PGAP4: variants seen among roughly 807,000 people sequenced by gnomAD.
The protein encoded by PGAP4 is GPI-N-acetylgalactosamine transferase PGAP4.
Under a neutral mutation model 28.2 loss-of-function variants are expected in PGAP4, and 12 were observed. The ratio of observed to expected loss-of-function variants is 0.42; its 90% CI spans 0.27 to 0.69. The LOEUF (loss-of-function observed/expected upper bound fraction) is 0.69. Among genes scored for constraint, PGAP4 ranks in the 30% least tolerant of loss-of-function variants. PGAP4 has a pLI of 0.22. For synonymous variants in PGAP4, 205 were observed against 211.8 expected (o/e 0.97, Z 0.28); for missense variants, 425 against 513.5 (o/e 0.83, Z 1.67).
Position 101,524,905 on chromosome 9 carries a change from C to T in PGAP4, c.-165+6443G>A, listed in dbSNP as rs571486358. ...GGGATTGCTGGTTTGTTCTTGTAGTCGATCTGGAGCTAAAATTCATAATGC... is the reference window on the plus strand; with the variant it reads ...GGGATTGCTGGTTTGTTCTTGTAGTTGATCTGGAGCTAAAATTCATAATGC... On this transcript the variant is annotated intron_variant, in intron 2 of 3. Transcript: ENST00000374851. Among the ~76,000 whole-genome samples, 45 of 152,252 alleles carry T rather than the reference C, an allele frequency of 3.0e-4. No individual in the cohort carries two copies. In the South Asian group the frequency reaches 8.5e-3, roughly 29 times the overall value.
Position 101,476,573 on chromosome 9 carries a change from C to T in PGAP4, c.520G>A (p.Asp174Asn), listed in dbSNP as rs1826321181. ...VANRYEGTEDDYGDDPSTNSF... is the reference protein window; with the variant it reads ...VANRYEGTEDNYGDDPSTNSF... ...TTGGTCGAAGGGTCATCACCATAAT[C>T]ATCCTCAGTGCCCTCATAGCGATTG... The change falls in exon 2 of 2, where the codon GAT becomes AAT. Residue 174 changes from aspartate to asparagine, a missense_variant. Transcript: ENST00000374848. The surrounding 1 kb of genome is among the most constrained non-coding windows in gnomAD (Gnocchi z 7.0). The T allele has an allele frequency of 6.2e-7, 1 of 1,614,240 alleles. No individual in the cohort carries two copies.
At chr9:101,495,164 A>T (rs1386026387) in intron 2 of PGAP4, among the ~76,000 whole-genome samples, 1 of 97,380 alleles carries the variant, frequency 1.0e-5, no homozygotes, top group Non-Finnish European at 2.0e-5. Flanking sequence ...TATATATTTT[A>T]TATATATTAT....
chr9:101,494,741 G>C (rs927420717), intron 2 of PGAP4, among the ~76,000 whole-genome samples: 20 of 151,826 alleles, frequency 1.3e-4, no homozygotes, highest in South Asian at 4.2e-4. Context: ...AGCAATAACT[G>C]TGGATAACAA....
chr9:101,520,714 T>G (rs1826982362), intron 2 of PGAP4, among the ~76,000 whole-genome samples: 1 of 152,174 alleles, frequency 6.6e-6, no homozygotes, highest in South Asian at 2.1e-4. Context: ...CTTATTTCTT[T>G]CTCGTGTCTG....
At chr9:101,499,081 A>T (rs779274422) in intron 2 of PGAP4, among the ~76,000 whole-genome samples, 1 of 152,026 alleles carries the variant, frequency 6.6e-6, no homozygotes, top group Non-Finnish European at 1.5e-5. Context: ...AGAGTATTCA[A>T]TCGAAAAAGA....
At chr9:101,525,699 CAA>C (rs397893277) in intron 2 of PGAP4, among the ~76,000 whole-genome samples, 919 of 61,370 alleles carry the variant, frequency 0.015, 3 homozygotes, top group African/African-American at 0.046. Context: ...CAGAGCGTCT[CAA>C]AAAAAAAAAA....
At chr9:101,500,988 C>CA (rs1336509387) in intron 2 of PGAP4, among the ~76,000 whole-genome samples, 1 of 151,938 alleles carries the variant, frequency 6.6e-6, no homozygotes, top group Non-Finnish European at 1.5e-5. Flanking sequence ...CTGTAAATTT[C>CA]AAAAAATATA....
chr9:101,478,158 T>A (rs1209738170), intron 1 of PGAP4, among the ~76,000 whole-genome samples: 1 of 152,194 alleles, frequency 6.6e-6, no homozygotes, highest in Non-Finnish European at 1.5e-5. Flanking sequence ...ATATTAAATG[T>A]GTTAGAAAGC....
At position 101,512,077 on chromosome 9, in the gene PGAP4, C is replaced by T. The variant is rs371448087; in HGVS notation, c.-165+19271G>A. ...ATGATCACTGAGTGTAGCACTGATG[C>T]CCTAAGTCTCACCTGGGTGAGAGCC... On this transcript the variant is annotated intron_variant, in intron 2 of 3. Coordinates refer to the PGAP4 transcript ENST00000374851. 1.9e-4 allele frequency among the ~76,000 whole-genome samples: 29 copies of T among 152,170 alleles called. 1 individual carries two copies. The East Asian group carries it at 4.8e-3, about 25-fold the overall frequency.
At chr9:101,520,372 A>T (rs188533530) in intron 2 of PGAP4, among the ~76,000 whole-genome samples, 2 of 152,302 alleles carry the variant, frequency 1.3e-5, no homozygotes, top group East Asian at 3.9e-4. Flanking sequence ...TGTTCATGTC[A>T]TCTATGATTT....
intron 2 of PGAP4, among the ~76,000 whole-genome samples, chr9:101,507,695 A>C (rs1348871056): frequency 2.0e-5 from 3 of 152,128 alleles, no homozygotes; most frequent in Non-Finnish European, 4.4e-5. Context: ...GAGAGTAATA[A>C]CCAGACTTTG....
At chr9:101,509,867 C>A (rs1826880261) in intron 2 of PGAP4, among the ~76,000 whole-genome samples, 1 of 146,584 alleles carries the variant, frequency 6.8e-6, no homozygotes. Context: ...CCAGTCATGG[C>A]AGCCACTCCA....
intron 2 of PGAP4, among the ~76,000 whole-genome samples, chr9:101,494,285 T>C (rs1287154540): frequency 6.6e-6 from 1 of 151,930 alleles, no homozygotes; most frequent in Non-Finnish European, 1.5e-5. Flanking sequence ...ATTGAAATTA[T>C]GTAAATAAAA....
chr9:101,519,894 G>A (rs1374750590), intron 2 of PGAP4, among the ~76,000 whole-genome samples: 1 of 152,090 alleles, frequency 6.6e-6, no homozygotes, highest in Non-Finnish European at 1.5e-5. Context: ...GGTTGATTTT[G>A]TATGAGGTGA....
chr9:101,504,927 G>T (rs752581509), intron 2 of PGAP4, among the ~76,000 whole-genome samples: 1 of 152,038 alleles, frequency 6.6e-6, no homozygotes, highest in African/African-American at 2.4e-5. Context: ...CCTACAAAAA[G>T]ACTCCTATGT....
At chr9:101,481,950 GC>G (rs1826501633) in intron 1 of PGAP4, among the ~76,000 whole-genome samples, 2 of 151,824 alleles carry the variant, frequency 1.3e-5, no homozygotes, top group Non-Finnish European at 2.9e-5. Context: ...TTTCCTCCCT[GC>G]CACACTCTAG....
At chr9:101,527,943 T>C (rs1266584978) in intron 2 of PGAP4, among the ~76,000 whole-genome samples, 1 of 152,166 alleles carries the variant, frequency 6.6e-6, no homozygotes, top group East Asian at 1.9e-4. Flanking sequence ...TCTCTACCCA[T>C]GTGGATTTTC....
chr9:101,498,513 T>TTA (rs911924000), intron 2 of PGAP4, among the ~76,000 whole-genome samples: 6 of 151,358 alleles, frequency 4.0e-5, no homozygotes, highest in Non-Finnish European at 7.4e-5. Flanking sequence ...TTTTTTTTTT[T>TTA]AATCTTGGCT....
intron 2 of PGAP4, among the ~76,000 whole-genome samples, chr9:101,498,537 A>G (rs1175979924): frequency 1.3e-5 from 2 of 151,256 alleles, no homozygotes; most frequent in South Asian, 4.2e-4. Context: ...ATGCCAGAGC[A>G]GTGAGATAGC....
Sources: allele counts gnomAD v4.1 joint callset (sites outside exome capture counted in the v4.1 genomes callset), GRCh38; gene constraint gnomAD v4.1.1; non-coding constraint Gnocchi (gnomAD v3.1); transcripts MANE v1.5; gene names NCBI Gene and HGNC (gene_info 2026-07-23, HGNC 2026-07-21).